Variants in PHLPP1 observed in about 807,000 individuals in gnomAD.
PHLPP1 encodes PH domain leucine-rich repeat-containing protein phosphatase 1.
In PHLPP1, 42 loss-of-function variants were observed where a neutral mutation model predicts 117.2. The observed-to-expected ratio is 0.36, with a 90% CI of 0.28 to 0.46. PHLPP1 has a LOEUF of 0.46. Ranked by LOEUF, PHLPP1 falls within the 20% of genes least tolerant of loss-of-function variation. The pLI is 1.00. For synonymous variants in PHLPP1, 1,042 were observed against 970.7 expected, an observed-to-expected ratio of 1.07 and a Z score of -1.37; for missense variants, 2,084 against 2,241.9, an observed-to-expected ratio of 0.93 and a Z score of 1.42.
chr18:62,811,622 A>G (rs1188939501), intron 1 of PHLPP1, among the ~76,000 whole-genome samples: 1 of 151,868 alleles, frequency 6.6e-6, no homozygotes, highest in African/African-American at 2.4e-5. Flanking sequence ...AAAACATTTA[A>G]GTGAGAACTC....
chr18:62,954,805 A>G (rs1467587143), intron 12 of PHLPP1, among the ~76,000 whole-genome samples: 1 of 152,240 alleles, frequency 6.6e-6, no homozygotes, highest in African/African-American at 2.4e-5. Flanking sequence ...CTGGTATCTC[A>G]GTTCCCATCC....
chr18:62,963,084 A>G (rs995714020), intron 13 of PHLPP1, among the ~76,000 whole-genome samples: 1 of 152,210 alleles, frequency 6.6e-6, no homozygotes, highest in African/African-American at 2.4e-5. Flanking sequence ...TGTCATTCCC[A>G]GGAGAGAGCA....
At chr18:62,913,150 A>G (rs1011110309) in intron 8 of PHLPP1, among the ~76,000 whole-genome samples, 18 of 152,192 alleles carry the variant, frequency 1.2e-4, no homozygotes, top group Admixed American at 2.6e-4. Flanking sequence ...GCTGTCACCT[A>G]TCACAGTGTT....
At chr18:62,885,212 AAC>A (rs1293817116) in intron 4 of PHLPP1, among the ~76,000 whole-genome samples, 3 of 152,218 alleles carry the variant, frequency 2.0e-5, no homozygotes, top group Non-Finnish European at 2.9e-5. Context: ...TCTTTCTTTC[AAC>A]TTTGACACTG....
intron 1 of PHLPP1, among the ~76,000 whole-genome samples, chr18:62,742,959 G>A (rs1162009640): frequency 6.6e-6 from 1 of 152,134 alleles, no homozygotes; most frequent in East Asian, 1.9e-4. Flanking sequence ...AATTCAGTGT[G>A]TTCTCTTAAT....
rs754872613 is a variant in PHLPP1 at position 62,860,506 on chromosome 18, C to T, written c.1971C>T (p.Phe657=). ...TGGAACATCTGCCTGCCAACCTCTT[C>T]TACAGCCAAGACCTCACTCATCTCA... The part of the protein sequence containing the change: ...CSLEHLPANL[F]YSQDLTHLNL... The change falls in exon 4 of 17, where the codon TTC becomes TTT. Residue 657 remains phenylalanine (F), a synonymous_variant. Transcript: ENST00000262719. 5.0e-6 allele frequency: 8 copies of T among 1,613,772 alleles called. No individual in the cohort carries two copies. The highest frequency in any genetic ancestry group is 6.8e-6 in the Non-Finnish European group (8 of 1,179,806).
chr18:62,972,197 T>C, intron 14 of PHLPP1, among the ~76,000 whole-genome samples: 1 of 152,258 alleles, frequency 6.6e-6, no homozygotes, highest in East Asian at 1.9e-4. Flanking sequence ...ATTGAATGTA[T>C]GTGTAGATAT....
chr18:62,868,621 CA>C (rs35943627), intron 4 of PHLPP1, among the ~76,000 whole-genome samples: 2,247 of 67,262 alleles, frequency 0.033, 55 homozygotes, highest in East Asian at 0.19. Flanking sequence ...GACTCTGTCT[CA>C]AAAAAAAAAA....
At chr18:62,935,326 C>T (rs1182115636) in intron 10 of PHLPP1, among the ~76,000 whole-genome samples, 2 of 152,082 alleles carry the variant, frequency 1.3e-5, no homozygotes, top group African/African-American at 4.8e-5. Context: ...AAGAAATGTG[C>T]AAAAACTGTA....
At chr18:62,825,653 T>C (rs979040618) in intron 1 of PHLPP1, among the ~76,000 whole-genome samples, 2 of 151,630 alleles carry the variant, frequency 1.3e-5, no homozygotes, top group African/African-American at 2.4e-5. Flanking sequence ...GGGGTTTCAC[T>C]ATGTTGCTCA....
chr18:62,973,967 C>G (rs1911122300), intron 15 of PHLPP1, among the ~76,000 whole-genome samples: 1 of 152,306 alleles, frequency 6.6e-6, no homozygotes, highest in South Asian at 2.1e-4. Context: ...CATCAGCTTT[C>G]CTGTTTTTAC....
At position 62,715,754 on chromosome 18, in the gene PHLPP1, C is replaced by T. The variant is rs1910698718; in HGVS notation, c.71C>T (p.Pro24Leu). 3.7e-6 allele frequency: 4 copies of T among 1,080,930 alleles called. No individual in the cohort carries two copies. The highest frequency in any genetic ancestry group is 8.5e-5 in the South Asian group (2 of 23,480). The allele number at this position is 1,080,930 out of a possible 1,614,324, so 67.0% of individuals were successfully genotyped here. The stretch of plus-strand genomic sequence containing the variant: ...GGCAGGGAGGACCGAGCTTCGGCTC[C>T]GGCGGCCGCCGCTGCGGCAGCAGCA... Reference protein sequence around the residue: ...ELGREDRASAPAAAAAAAAAA... With the variant: ...ELGREDRASALAAAAAAAAAA... The change falls in exon 1 of 17, where the codon CCG (proline) becomes CTG (leucine). Residue 24 changes from proline (P) to leucine (L), a missense_variant. Physicochemically the swap from Pro to Leu is moderately conservative, Grantham distance 98. Transcript: ENST00000262719.
At chr18:62,818,862 C>T (rs924648313) in intron 1 of PHLPP1, among the ~76,000 whole-genome samples, 3 of 152,104 alleles carry the variant, frequency 2.0e-5, no homozygotes, top group Non-Finnish European at 2.9e-5. Flanking sequence ...TTGATGGTAC[C>T]GTTTGCCAAT....
intron 1 of PHLPP1, among the ~76,000 whole-genome samples, chr18:62,777,227 A>C (rs113621420): frequency 3.5e-4 from 53 of 152,198 alleles, no homozygotes; most frequent in African/African-American, 1.2e-3. Flanking sequence ...AATCTTTTAA[A>C]TTTGAGCCAT....
rs1219512198 is a variant in PHLPP1, at chr18:62,952,073, C to T, written c.3325-6556C>T. Among the ~76,000 whole-genome samples, 3 of 152,002 alleles carry T rather than the reference C, an allele frequency of 2.0e-5. No individual in the cohort carries two copies. In the East Asian group the frequency reaches 5.9e-4, roughly 30 times the overall value. On this transcript the variant is annotated intron_variant, in intron 12 of 16. Coordinates refer to ENST00000262719, the MANE Select transcript of PHLPP1 (RefSeq NM_194449.4). The stretch of plus-strand genomic sequence containing the variant: ...GACCTCATGATCCACCCGCCTCGGC[C>T]TCCCAAAGTGCTGGGATTACAGGCG...
At chr18:62,929,420 A>T (rs1460977112) in intron 10 of PHLPP1, among the ~76,000 whole-genome samples, 1 of 152,212 alleles carries the variant, frequency 6.6e-6, no homozygotes, top group Non-Finnish European at 1.5e-5. Context: ...CAGTAGCCAC[A>T]TGTAATAGTG....
chr18:62,756,123 T>C (rs1003113819), intron 1 of PHLPP1, among the ~76,000 whole-genome samples: 2 of 152,164 alleles, frequency 1.3e-5, no homozygotes, highest in African/African-American at 4.8e-5. Flanking sequence ...TTTAGTGGCT[T>C]GAAATAATAA....
At chr18:62,809,609 G>A (rs950295783) in intron 1 of PHLPP1, among the ~76,000 whole-genome samples, 1 of 152,108 alleles carries the variant, frequency 6.6e-6, no homozygotes, top group Non-Finnish European at 1.5e-5. Context: ...GCCTGAGGAG[G>A]GAGAATCACT....
At chr18:62,797,924 G>A (rs1913672482) in intron 1 of PHLPP1, among the ~76,000 whole-genome samples, 1 of 152,066 alleles carries the variant, frequency 6.6e-6, no homozygotes, top group Non-Finnish European at 1.5e-5. Flanking sequence ...AGGCATATAG[G>A]GCCATGTATG....
Sources: allele counts gnomAD v4.1 joint callset (sites outside exome capture counted in the v4.1 genomes callset), GRCh38; gene constraint gnomAD v4.1.1; transcripts MANE v1.5; gene names NCBI Gene and HGNC (gene_info 2026-07-23, HGNC 2026-07-21).